The following GARNL3 variants were observed in gnomAD, a reference collection of about 807,000 sequenced individuals.
The protein encoded by GARNL3 is GTPase-activating Rap/Ran-GAP domain-like protein 3.
GARNL3 carries 63 observed loss-of-function variants against 125.0 expected under a neutral mutation model. That is an observed-to-expected ratio of 0.50 (90% CI 0.41 to 0.62). GARNL3 has a LOEUF of 0.62. Among genes scored for constraint, GARNL3 ranks in the 20% least tolerant of loss-of-function variants. The pLI is 0.00. For missense variants in GARNL3, 994 were observed against 1,244.0 expected (o/e 0.80, Z 3.02); for synonymous variants, 439 against 457.5 (o/e 0.96, Z 0.52).
At chr9:127,321,811 G>A (rs1404974586) in intron 6 of GARNL3, among the ~76,000 whole-genome samples, 1 of 152,218 alleles carries the variant, frequency 6.6e-6, no homozygotes, top group Non-Finnish European at 1.5e-5. Context: ...CCAGGAGGCA[G>A]CAGGGAGCCA....
intron 25 of GARNL3, among the ~76,000 whole-genome samples, chr9:127,387,872 G>A (rs952503928): frequency 3.9e-5 from 6 of 152,222 alleles, no homozygotes; most frequent in African/African-American, 1.2e-4. Context: ...TGGGCTAGGC[G>A]CTGTGGCTCA....
At chr9:127,375,462 T>A in intron 22 of GARNL3, among the ~76,000 whole-genome samples, 1 of 143,200 alleles carries the variant, frequency 7.0e-6, no homozygotes. Context: ...CAAGACTCTG[T>A]CTCAGAAAAA....
chr9:127,381,254 A>G (rs1832240183), intron 22 of GARNL3, among the ~76,000 whole-genome samples: 1 of 152,248 alleles, frequency 6.6e-6, no homozygotes, highest in South Asian at 2.1e-4. Context: ...AATAATTAAA[A>G]AATAAAATTG....
At chr9:127,274,095 A>C (rs1485909344) in intron 1 of GARNL3, among the ~76,000 whole-genome samples, 1 of 152,248 alleles carries the variant, frequency 6.6e-6, no homozygotes, top group Non-Finnish European at 1.5e-5. Flanking sequence ...TAAATATAAA[A>C]GTATTTCTGT....
chr9:127,249,631 A>T (rs1224337595), intron 2 of GARNL3, among the ~76,000 whole-genome samples: 1 of 152,216 alleles, frequency 6.6e-6, no homozygotes, highest in East Asian at 1.9e-4. Flanking sequence ...GCATTGCAGC[A>T]TCATTAGTAA....
In GARNL3 at chr9:127,354,343, C is replaced by A. The variant is rs1188370023; in HGVS notation, c.1692C>A (p.Gly564=). The A allele has an allele frequency of 1.9e-6, 3 of 1,613,758 alleles. No individual in the cohort carries two copies. The highest frequency in any genetic ancestry group is 1.7e-6 in the Non-Finnish European group (2 of 1,179,896). ...TCAGGCTAAGTGCTCTGCAAAAGGG[C>A]CTTGAGGGGAAGCAGGCTGGGAAGA... The part of the protein sequence containing the change: ...FVFRLSALQK[G]LEGKQAGKSR... The change falls in exon 19 of 28, where the codon GGC becomes GGA. Residue 564 remains glycine (G), a synonymous_variant. Transcript: ENST00000373387.
In GARNL3 at chr9:127,342,261, C is replaced by G. The variant is rs555617224; in HGVS notation, c.1178C>G (p.Ala393Gly). 9 of 1,613,926 alleles carry G rather than the reference C, an allele frequency of 5.6e-6. No individual in the cohort carries two copies. The African/African-American group carries it at 8.0e-5, about 14-fold the overall frequency. Reference protein sequence around the residue: ...EKATLETPTFAQKRRRTLDML... With the variant: ...EKATLETPTFGQKRRRTLDML... ...GCCACTTTGGAAACCCCAACATTTG[C>G]CCAGAAACGTCGGCGTACCCTGGAT... The change falls in exon 14 of 28, where the codon GCC becomes GGC. Residue 393 changes from alanine to glycine, a missense_variant. This residue lies in a region of GARNL3 where 728 missense variants were observed against 865.7 expected (regional missense o/e 0.84). Coordinates refer to ENST00000373387, the MANE Select transcript of GARNL3 (RefSeq NM_032293.5).
chr9:127,358,763 T>A (rs1830819895), intron 21 of GARNL3, among the ~76,000 whole-genome samples: 1 of 152,198 alleles, frequency 6.6e-6, no homozygotes, highest in Non-Finnish European at 1.5e-5. Context: ...TACCACTGCC[T>A]GTGTTCCTCC....
chr9:127,251,022 T>G (rs12351988), intron 2 of GARNL3, among the ~76,000 whole-genome samples: 48,048 of 152,108 alleles, frequency 0.32, 9,210 homozygotes, highest in Admixed American at 0.46. Context: ...AACTTTCATA[T>G]TCCTCAAGGA....
upstream of GARNL3, chr9:127,264,543 C>T (rs1248436283): frequency 2.9e-6 from 3 of 1,019,658 alleles, no homozygotes; most frequent in East Asian, 2.7e-4. Context: ...GGACAAAGAG[C>T]TCTCTTAAAT....
At chr9:127,309,876 A>G (rs1436359605) in intron 2 of GARNL3, among the ~76,000 whole-genome samples, 3 of 152,236 alleles carry the variant, frequency 2.0e-5, no homozygotes, top group Non-Finnish European at 1.5e-5. Context: ...AGGCATGTCA[A>G]AGTCAGAGAG....
chr9:127,369,887 G>A (rs10987620), intron 22 of GARNL3, among the ~76,000 whole-genome samples: 3,581 of 152,244 alleles, frequency 0.024, 141 homozygotes, highest in East Asian at 0.16. Context: ...AGGGAGAGGG[G>A]GAGAATTGCT....
At chr9:127,263,273 A>G (rs1461250986), upstream of GARNL3, among the ~76,000 whole-genome samples, 1 of 152,206 alleles carries the variant, frequency 6.6e-6, no homozygotes, top group Non-Finnish European at 1.5e-5. Flanking sequence ...ATGGCAGCAC[A>G]GGGAGGACCC....
At chr9:127,287,122 G>A (rs1015733710) in intron 1 of GARNL3, among the ~76,000 whole-genome samples, 4 of 152,146 alleles carry the variant, frequency 2.6e-5, no homozygotes, top group African/African-American at 9.7e-5. Context: ...ACCTTCAAGT[G>A]GAATTAATTC....
chr9:127,332,991 A>G, intron 8 of GARNL3, 32 bp from the exon 9 acceptor site: 2 of 1,479,896 alleles, frequency 1.4e-6, no homozygotes, highest in Non-Finnish European at 1.9e-6. Flanking sequence ...GTTGATGCCC[A>G]TACTTTCCTC....
intron 22 of GARNL3, among the ~76,000 whole-genome samples, chr9:127,365,798 G>A (rs777458649): frequency 5.3e-5 from 8 of 152,176 alleles, no homozygotes; most frequent in Non-Finnish European, 1.2e-4. Flanking sequence ...CTAAGCAGCA[G>A]GGCCAGGGTT....
chr9:127,307,942 C>G (rs1045406432), intron 2 of GARNL3, among the ~76,000 whole-genome samples: 1 of 152,230 alleles, frequency 6.6e-6, no homozygotes, highest in African/African-American at 2.4e-5. Flanking sequence ...TGGACTCCCC[C>G]TATGTCTGGT....
intron 2 of GARNL3, among the ~76,000 whole-genome samples, chr9:127,305,245 C>T (rs1376975555): frequency 1.3e-5 from 2 of 152,176 alleles, no homozygotes; most frequent in East Asian, 3.9e-4. Flanking sequence ...TTTGGCTGTA[C>T]ACTTCTTTGT....
intron 7 of GARNL3, among the ~76,000 whole-genome samples, chr9:127,326,721 G>A (rs2065584404): frequency 6.6e-6 from 1 of 152,164 alleles, no homozygotes; most frequent in South Asian, 2.1e-4. Context: ...CAATGTGGTG[G>A]TATTAGGAGG....
Sources: allele counts gnomAD v4.1 joint callset (sites outside exome capture counted in the v4.1 genomes callset), GRCh38; gene constraint gnomAD v4.1.1; regional missense constraint gnomAD v4.1.1; transcripts MANE v1.5; gene names NCBI Gene and HGNC (gene_info 2026-07-23, HGNC 2026-07-21).